Variants in ANKRD45 observed in about 807,000 individuals in gnomAD.
ANKRD45 encodes the protein ankyrin repeat domain 45.
ANKRD45 carries 21 observed loss-of-function variants against 28.1 expected under a neutral mutation model. The observed-to-expected ratio is 0.75, with a 90% confidence interval of 0.53 to 1.08. The LOEUF (loss-of-function observed/expected upper bound fraction) is 1.08. Among genes scored for constraint, ANKRD45 ranks in the 50% least tolerant of loss-of-function variants. ANKRD45 has a pLI of 0.00. For missense variants in ANKRD45, 261 were observed against 308.7 expected, an observed-to-expected ratio of 0.85 and a Z score of 1.16; for synonymous variants, 86 against 103.9, an observed-to-expected ratio of 0.83 and a Z score of 1.05.
At chr1:173,664,387 G>A (rs547382605) in intron 1 of ANKRD45, among the ~76,000 whole-genome samples, 24 of 152,296 alleles carry the variant, frequency 1.6e-4, no homozygotes, top group African/African-American at 5.5e-4. Context: ...AGAGAATAGA[G>A]GCAGGATGTG....
chr1:173,706,895 A>T, the ANKRD45 span, among the ~76,000 whole-genome samples: 1 of 152,132 alleles, frequency 6.6e-6, no homozygotes, highest in Admixed American at 6.5e-5. Context: ...ATCATTTTGC[A>T]CACACTGGTC....
the ANKRD45 span, among the ~76,000 whole-genome samples, chr1:173,700,384 A>G: frequency 6.6e-6 from 1 of 152,226 alleles, no homozygotes; most frequent in Admixed American, 6.5e-5. Flanking sequence ...AGCCAAAAGA[A>G]CAAAGCTGGA....
chr1:173,692,665 A>G, the ANKRD45 span, among the ~76,000 whole-genome samples: 1,428 of 152,342 alleles, frequency 9.4e-3, 20 homozygotes, highest in African/African-American at 0.031. Flanking sequence ...AAACATAAAC[A>G]GTGAGAAGCA....
chr1:173,643,896 G>T (rs567905510), intron 3 of ANKRD45, among the ~76,000 whole-genome samples: 1 of 152,254 alleles, frequency 6.6e-6, no homozygotes, highest in Non-Finnish European at 1.5e-5. Flanking sequence ...TATGGATTAC[G>T]AAAGGTTTAT....
intron 5 of ANKRD45, among the ~76,000 whole-genome samples, chr1:173,613,757 G>C (rs1397700490): frequency 6.6e-6 from 1 of 152,192 alleles, no homozygotes; most frequent in East Asian, 1.9e-4. Context: ...CCACCACCCC[G>C]TCTGGGAGGT....
At chr1:173,666,192 C>T (rs1395183653) in intron 1 of ANKRD45, among the ~76,000 whole-genome samples, 1 of 152,170 alleles carries the variant, frequency 6.6e-6, no homozygotes, top group Non-Finnish European at 1.5e-5. Flanking sequence ...CAGGCTCAGG[C>T]TGGGACTAGA....
At chr1:173,698,717 G>A in the ANKRD45 span, among the ~76,000 whole-genome samples, 3 of 152,100 alleles carry the variant, frequency 2.0e-5, no homozygotes, top group African/African-American at 7.2e-5. Context: ...AGAGAAAGCA[G>A]GAATGATCTG....
chr1:173,650,893 TCTTTTCAGAAGTGTCTGTTCATATC>T (rs1290320882), intron 2 of ANKRD45, among the ~76,000 whole-genome samples: 1 of 152,236 alleles, frequency 6.6e-6, no homozygotes, highest in Admixed American at 6.5e-5. Context: ...AGAAATGTCT[TCTTTTCAGAAGTGTCTGTTCATATC>T]CTTTGCCCAC....
At chr1:173,625,042 C>A in intron 4 of ANKRD45, 117 bp from the exon 5 acceptor site, 1 of 1,061,120 alleles carries the variant, frequency 9.4e-7, no homozygotes, top group Non-Finnish European at 1.3e-6. Context: ...ATATTCTGTA[C>A]CTGCATTGTC....
intron 5 of ANKRD45, among the ~76,000 whole-genome samples, chr1:173,614,858 C>A (rs544915084): frequency 6.6e-6 from 1 of 151,700 alleles, no homozygotes; most frequent in South Asian, 2.1e-4. Flanking sequence ...TAGCTGTTGC[C>A]CAGGCTGGAC....
At chr1:173,709,585 A>G in the ANKRD45 span, among the ~76,000 whole-genome samples, 1 of 151,432 alleles carries the variant, frequency 6.6e-6, no homozygotes. Flanking sequence ...TGCACACCAC[A>G]CTTTCTGTTA....
At chr1:173,688,395 C>CCTCTCTCTGCCTCTTCCT in the ANKRD45 span, among the ~76,000 whole-genome samples, 14 of 119,326 alleles carry the variant, frequency 1.2e-4, no homozygotes, top group East Asian at 2.4e-4. Context: ...TCTGCCTCTT[C>CCTCTCTCTGCCTCTTCCT]CTCTCTCTGC....
At chr1:173,641,151 T>A (rs912773404) in intron 3 of ANKRD45, among the ~76,000 whole-genome samples, 3 of 152,224 alleles carry the variant, frequency 2.0e-5, no homozygotes, top group South Asian at 4.1e-4. Flanking sequence ...TGAAATATCT[T>A]AAGACAGACC....
At chr1:173,624,989 C>G in intron 4 of ANKRD45, 64 bp from the exon 5 acceptor site, 1 of 1,525,012 alleles carries the variant, frequency 6.6e-7, no homozygotes, top group Non-Finnish European at 8.9e-7. Context: ...TCAACAGTAT[C>G]TCTAAACCAG....
At chr1:173,614,102 A>C (rs1447380553) in intron 5 of ANKRD45, among the ~76,000 whole-genome samples, 1 of 152,026 alleles carries the variant, frequency 6.6e-6, no homozygotes, top group Non-Finnish European at 1.5e-5. Context: ...CCACTCCCTA[A>C]TCTCAAGTAC....
chr1:173,617,710 G>A (rs891632959), intron 5 of ANKRD45, among the ~76,000 whole-genome samples: 6 of 152,190 alleles, frequency 3.9e-5, no homozygotes, highest in South Asian at 2.1e-4. Context: ...TGCTGGCTCC[G>A]GAGAGTCCAG....
At chr1:173,658,592 G>A (rs1357797313) in intron 2 of ANKRD45, 2 of 151,772 alleles carry the variant, frequency 1.3e-5, no homozygotes, top group Non-Finnish European at 2.9e-5. Flanking sequence ...TTTCTACCAT[G>A]ACCACGTATT....
intron 2 of ANKRD45, among the ~76,000 whole-genome samples, chr1:173,650,392 G>T (rs1279627223): frequency 6.6e-6 from 1 of 152,098 alleles, no homozygotes; most frequent in Non-Finnish European, 1.5e-5. Flanking sequence ...GAGAATGATG[G>T]TTTCCAGCTT....
At chr1:173,690,518 A>C in the ANKRD45 span, among the ~76,000 whole-genome samples, 1 of 152,154 alleles carries the variant, frequency 6.6e-6, no homozygotes, top group Non-Finnish European at 1.5e-5. Flanking sequence ...GGCATAGCCT[A>C]GTTCTTCTTG....
Sources: allele counts gnomAD v4.1 joint callset (sites outside exome capture counted in the v4.1 genomes callset), GRCh38; gene constraint gnomAD v4.1.1; transcripts MANE v1.5; gene names NCBI Gene and HGNC (gene_info 2026-07-23, HGNC 2026-07-21).